SHTN1: variants seen among roughly 807,000 people sequenced by gnomAD.
SHTN1 encodes shootin 1.
In SHTN1, 42 loss-of-function variants were observed where a neutral mutation model predicts 83.1. The observed-to-expected ratio is 0.51, with a 90% CI of 0.39 to 0.65. SHTN1 has a LOEUF of 0.65. SHTN1 is among the 30% of genes least tolerant of loss of function. SHTN1 has a pLI of 0.00. For missense variants in SHTN1, 622 were observed against 737.8 expected (o/e 0.84, Z 1.82); for synonymous variants, 224 against 247.7 (o/e 0.90, Z 0.90).
At chr10:117,013,091 T>A (rs1442035761) in intron 2 of SHTN1, among the ~76,000 whole-genome samples, 14 of 152,220 alleles carry the variant, frequency 9.2e-5, no homozygotes, top group South Asian at 6.2e-4. Context: ...TAAATTTTTT[T>A]AAAAATAAAT....
At chr10:116,908,712 AG>A (rs1354444495) in intron 14 of SHTN1, among the ~76,000 whole-genome samples, 25 of 152,218 alleles carry the variant, frequency 1.6e-4, no homozygotes, top group Admixed American at 1.6e-3. Flanking sequence ...ATACCTTTCA[AG>A]GATATCTTTT....
chr10:117,056,336 A>G (rs1418709377), intron 1 of SHTN1, among the ~76,000 whole-genome samples: 3 of 152,218 alleles, frequency 2.0e-5, no homozygotes, highest in Non-Finnish European at 4.4e-5. Flanking sequence ...AATCAAATGA[A>G]GCAATGTATA....
chr10:117,084,700 T>C (rs543429208), intron 1 of SHTN1, among the ~76,000 whole-genome samples: 1 of 152,024 alleles, frequency 6.6e-6, no homozygotes, highest in South Asian at 2.1e-4. Context: ...CTCCGTGAGG[T>C]AGGACCCTCC....
intron 2 of SHTN1, among the ~76,000 whole-genome samples, chr10:116,976,853 A>G (rs1250857533): frequency 6.6e-6 from 1 of 152,222 alleles, no homozygotes; most frequent in Non-Finnish European, 1.5e-5. Flanking sequence ...ACCACACAGC[A>G]TTCCATATTG....
chr10:117,123,683 T>C (rs1315015404), intron 1 of SHTN1, among the ~76,000 whole-genome samples: 2 of 150,352 alleles, frequency 1.3e-5, no homozygotes, highest in Non-Finnish European at 3.0e-5. Context: ...GGTGGGTGGA[T>C]TGCTTGAGGC....
chr10:117,052,240 T>C (rs1361882819), intron 1 of SHTN1, among the ~76,000 whole-genome samples: 1 of 151,640 alleles, frequency 6.6e-6, no homozygotes, highest in Non-Finnish European at 1.5e-5. Flanking sequence ...AAGATTTGTA[T>C]ACTAAAAATG....
intron 2 of SHTN1, among the ~76,000 whole-genome samples, chr10:117,040,808 A>C (rs1203906637): frequency 6.6e-6 from 1 of 152,032 alleles, no homozygotes; most frequent in African/African-American, 2.4e-5. Context: ...TTTTTTTTGG[A>C]TTTTGTCACT....
In SHTN1 at chr10:116,963,755, A is replaced by G. The variant is rs564697334; in HGVS notation, c.173-3525T>C. Among the ~76,000 whole-genome samples, 112 of 152,240 alleles carry G rather than the reference A, an allele frequency of 7.4e-4. 2 individuals carry two copies. In the South Asian group the frequency reaches 0.022, roughly 30 times the overall value. Reference sequence around the variant, plus strand: ...GCAGCCAGAAAACTGGAACATGGGGATTCGTTAAATTATTTTCCCGCCTTT... The same window carrying G: ...GCAGCCAGAAAACTGGAACATGGGGGTTCGTTAAATTATTTTCCCGCCTTT... On this transcript the variant is annotated intron_variant, in intron 3 of 16. Coordinates refer to ENST00000355371, the MANE Select transcript of SHTN1 (RefSeq NM_001127211.3).
intron 1 of SHTN1, among the ~76,000 whole-genome samples, chr10:117,084,838 G>A (rs1248675113): frequency 6.6e-6 from 1 of 152,050 alleles, no homozygotes; most frequent in African/African-American, 2.4e-5. Context: ...ATTAGGAAAG[G>A]GAACTCCCTG....
At chr10:117,115,788 T>C (rs956374820) in intron 1 of SHTN1, among the ~76,000 whole-genome samples, 12 of 152,350 alleles carry the variant, frequency 7.9e-5, no homozygotes, top group African/African-American at 2.6e-4. Context: ...ACTGAGCTTT[T>C]GCTATATGCC....
intron 16 of SHTN1, among the ~76,000 whole-genome samples, chr10:116,896,032 T>C (rs1847505189): frequency 6.6e-6 from 1 of 152,190 alleles, no homozygotes; most frequent in African/African-American, 2.4e-5. Flanking sequence ...AGCTAACATA[T>C]ACATCCTGCC....
chr10:117,090,020 G>C (rs1349693301), intron 1 of SHTN1, among the ~76,000 whole-genome samples: 2 of 152,114 alleles, frequency 1.3e-5, no homozygotes, highest in African/African-American at 4.8e-5. Context: ...CAGCACAGTG[G>C]TTCTTCAAAG....
intron 13 of SHTN1, among the ~76,000 whole-genome samples, chr10:116,914,544 AC>A (rs1848314209): frequency 6.6e-6 from 1 of 151,954 alleles, no homozygotes; most frequent in African/African-American, 2.4e-5. Flanking sequence ...GGACGTTCAC[AC>A]GGTTGAGGTA....
intron 2 of SHTN1, among the ~76,000 whole-genome samples, chr10:117,024,605 G>T (rs560906100): frequency 3.3e-5 from 5 of 151,884 alleles, no homozygotes; most frequent in Admixed American, 1.3e-4. Context: ...TGATCCGCCC[G>T]CCTCAGCCTC....
chr10:116,935,150 C>T (rs1328779056), intron 9 of SHTN1, among the ~76,000 whole-genome samples: 1 of 152,138 alleles, frequency 6.6e-6, no homozygotes, highest in Non-Finnish European at 1.5e-5. Flanking sequence ...TGTGAATACC[C>T]TTTATTTCTT....
intron 14 of SHTN1, chr10:116,908,049 T>C (rs1271671760): frequency 2.3e-6 from 1 of 438,346 alleles, no homozygotes; most frequent in South Asian, 1.6e-5. Flanking sequence ...ACAAATCTCA[T>C]AATTAACCTC....
At chr10:117,102,002 G>A (rs1298388521) in intron 1 of SHTN1, among the ~76,000 whole-genome samples, 1 of 144,314 alleles carries the variant, frequency 6.9e-6, no homozygotes, top group East Asian at 2.1e-4. Flanking sequence ...AGACTGTGAG[G>A]ACAGAAAAAA....
chr10:116,953,623 GTTT>G (rs759706275), intron 5 of SHTN1, among the ~76,000 whole-genome samples: 3 of 92,720 alleles, frequency 3.2e-5, no homozygotes, highest in African/African-American at 4.3e-5. Flanking sequence ...TTTGTGTTTT[GTTT>G]TTTTTTTTTT....
Position 116,911,759 on chromosome 10 carries a change from A to T in SHTN1, c.1359+31T>A, listed in dbSNP as rs766543597. 1.1e-5 allele frequency: 17 copies of T among 1,591,816 alleles called. No individual in the cohort carries two copies. The South Asian group carries it at 1.9e-4, about 18-fold the overall frequency. ...AATACTCTCCTTTCATTTCCCCATT[A>T]GCTAAACAATAAACTGAAATCTATT... On this transcript the variant is annotated intron_variant, in intron 14 of 16. Transcript: ENST00000355371.
Sources: allele counts gnomAD v4.1 joint callset (sites outside exome capture counted in the v4.1 genomes callset), GRCh38; gene constraint gnomAD v4.1.1; transcripts MANE v1.5; gene names NCBI Gene and HGNC (gene_info 2026-07-23, HGNC 2026-07-21).